CCDC148: variants seen among roughly 807,000 people sequenced by gnomAD.
CCDC148 encodes the protein coiled-coil domain containing 148.
A neutral mutation model predicts 85.7 loss-of-function variants in CCDC148; 89 were observed. That is an observed-to-expected ratio of 1.04 (90% confidence interval 0.87 to 1.24). The LOEUF is 1.24. Ranked by LOEUF, CCDC148 falls within the 50% of genes most tolerant of loss-of-function variation. The pLI is 0.00. For missense variants in CCDC148, 692 were observed against 671.7 expected, an observed-to-expected ratio of 1.03 and a Z score of -0.33; for synonymous variants, 230 against 213.9, an observed-to-expected ratio of 1.08 and a Z score of -0.66.
chr2:158,171,955 A>T lies in CCDC148; in HGVS notation c.*158T>A. On this transcript the variant is annotated 3_prime_UTR_variant, in exon 14 of 14. Coordinates refer to ENST00000283233, the MANE Select transcript of CCDC148 (RefSeq NM_138803.4). ...AAGATACAGGAAATATAGTGCATAAAATTCTAAGAATCACAAAAGAAAGGC... is the reference window on the plus strand; with the variant it reads ...AAGATACAGGAAATATAGTGCATAATATTCTAAGAATCACAAAAGAAAGGC... 1 of 558,534 alleles carries T rather than the reference A, an allele frequency of 1.8e-6. No individual in the cohort carries two copies. Among genetic ancestry groups the T allele is most frequent in the Non-Finnish European group, 3.1e-6 (1 of 327,852 alleles). The allele number at this position is 558,534 out of a possible 1,614,324, so 34.6% of individuals were successfully genotyped here.
At chr2:158,309,687 T>C in intron 8 of CCDC148, 48 bp from the exon 9 acceptor site, 1 of 1,272,656 alleles carries the variant, frequency 7.9e-7, no homozygotes, top group East Asian at 2.4e-5. Flanking sequence ...AAAATGAGCT[T>C]ACATTTTGCA....
chr2:158,433,402 T>C (rs1266202012), intron 1 of CCDC148, among the ~76,000 whole-genome samples: 1 of 151,946 alleles, frequency 6.6e-6, no homozygotes, highest in Non-Finnish European at 1.5e-5. Context: ...ATATCTATGA[T>C]ACATATATCT....
At chr2:158,390,772 G>A (rs1052484702) in intron 1 of CCDC148, among the ~76,000 whole-genome samples, 65 of 152,180 alleles carry the variant, frequency 4.3e-4, no homozygotes, top group African/African-American at 1.5e-3. Context: ...TACCTTTTTC[G>A]GCATTTCTAG....
chr2:158,209,838 G>A (rs898273062), intron 11 of CCDC148, among the ~76,000 whole-genome samples: 14 of 151,966 alleles, frequency 9.2e-5, no homozygotes, highest in Admixed American at 4.6e-4. Flanking sequence ...AGAAAAAACC[G>A]GTACCAGCCA....
intron 1 of CCDC148, among the ~76,000 whole-genome samples, chr2:158,393,554 C>A (rs1337731798): frequency 6.6e-6 from 1 of 152,138 alleles, no homozygotes; most frequent in South Asian, 2.1e-4. Context: ...TACAAGCAAG[C>A]AATTCTGTGT....
At chr2:158,270,777 T>C (rs879591800) in intron 9 of CCDC148, among the ~76,000 whole-genome samples, 10 of 152,182 alleles carry the variant, frequency 6.6e-5, no homozygotes, top group Non-Finnish European at 1.3e-4. Flanking sequence ...ATGTTGATTA[T>C]ATCCACAGGC....
intron 1 of CCDC148, among the ~76,000 whole-genome samples, chr2:158,414,460 G>T (rs1396723539): frequency 6.6e-6 from 1 of 152,246 alleles, no homozygotes; most frequent in Non-Finnish European, 1.5e-5. Flanking sequence ...GGGGCAAACT[G>T]CAGTGCCCAG....
At position 158,203,727 on chromosome 2, in the gene CCDC148, C is replaced by T. The variant is rs989020560; in HGVS notation, c.1370+16868G>A. 5.9e-5 allele frequency among the ~76,000 whole-genome samples: 9 copies of T among 152,224 alleles called. No homozygotes were observed. The South Asian group carries it at 1.9e-3, about 32-fold the overall frequency. On this transcript the variant is annotated intron_variant, in intron 11 of 13. Coordinates refer to ENST00000283233, the MANE Select transcript of CCDC148 (RefSeq NM_138803.4). ...AAAGGAAAAGAAAAAAATTCTATAGCTATCAAAAGATGAAATATACTGCCC... is the reference window on the plus strand; with the variant it reads ...AAAGGAAAAGAAAAAAATTCTATAGTTATCAAAAGATGAAATATACTGCCC...
intron 1 of CCDC148, among the ~76,000 whole-genome samples, chr2:158,430,232 G>A (rs866221550): frequency 9.2e-5 from 14 of 152,148 alleles, no homozygotes; most frequent in South Asian, 2.1e-4. Flanking sequence ...GACCTCAGGA[G>A]CCTTAGGAGG....
chr2:158,401,008 C>T (rs547940999), intron 1 of CCDC148, among the ~76,000 whole-genome samples: 2 of 152,188 alleles, frequency 1.3e-5, no homozygotes, highest in Admixed American at 1.3e-4. Flanking sequence ...GAGATATCAT[C>T]TCACGCCAGT....
At chr2:158,301,057 C>T (rs957005108) in intron 9 of CCDC148, among the ~76,000 whole-genome samples, 18 of 152,174 alleles carry the variant, frequency 1.2e-4, no homozygotes, top group African/African-American at 4.3e-4. Context: ...CAGGGTCTTG[C>T]TATGTTGCCC....
chr2:158,328,955 T>G (rs913119258), intron 7 of CCDC148, among the ~76,000 whole-genome samples: 9 of 152,048 alleles, frequency 5.9e-5, no homozygotes, highest in South Asian at 2.1e-4. Context: ...TTTCTCCCAT[T>G]CTGTAGGTTG....
chr2:158,342,013 A>G (rs1682726951), intron 3 of CCDC148, among the ~76,000 whole-genome samples: 1 of 104,168 alleles, frequency 9.6e-6, no homozygotes, highest in African/African-American at 3.9e-5. Flanking sequence ...TGTACGTGTC[A>G]TTATTTTCTT....
intron 9 of CCDC148, among the ~76,000 whole-genome samples, chr2:158,284,828 G>A (rs945070159): frequency 5.3e-5 from 8 of 152,194 alleles, no homozygotes; most frequent in Admixed American, 4.6e-4. Flanking sequence ...GGCATCTGTA[G>A]AAATTATCAC....
chr2:158,442,196 C>T (rs1468842485), intron 1 of CCDC148, among the ~76,000 whole-genome samples: 1 of 152,100 alleles, frequency 6.6e-6, no homozygotes, highest in African/African-American at 2.4e-5. Flanking sequence ...GGCTTTTGTT[C>T]ATCAGAGGCT....
intron 7 of CCDC148, among the ~76,000 whole-genome samples, chr2:158,336,912 T>C (rs979611141): frequency 6.6e-6 from 1 of 152,134 alleles, no homozygotes; most frequent in African/African-American, 2.4e-5. Flanking sequence ...TCAAACTCCA[T>C]AGTGAATTTT....
At chr2:158,300,797 T>C (rs1385581726) in intron 9 of CCDC148, among the ~76,000 whole-genome samples, 2 of 152,118 alleles carry the variant, frequency 1.3e-5, no homozygotes, top group Admixed American at 6.5e-5. Flanking sequence ...TGCCAGAAAG[T>C]TGGGCCATTA....
At chr2:158,179,117 TACTGA>T in intron 11 of CCDC148, 121 bp from the exon 12 acceptor site, 3 of 582,484 alleles carry the variant, frequency 5.2e-6, no homozygotes, top group Non-Finnish European at 8.9e-6. Context: ...TTTTTTTTTT[TACTGA>T]TTTCTCAAGT....
At chr2:158,269,603 C>T (rs1326446419) in intron 9 of CCDC148, among the ~76,000 whole-genome samples, 1 of 152,188 alleles carries the variant, frequency 6.6e-6, no homozygotes, top group Non-Finnish European at 1.5e-5. Context: ...ACATGTTTCT[C>T]TCTTCCACCC....
Sources: gnomAD v4.1 joint callset for allele counts (sites outside exome capture counted in the v4.1 genomes callset) on GRCh38, gnomAD v4.1.1 for gene constraint, MANE v1.5 for transcripts, NCBI Gene and HGNC (gene_info 2026-07-23, HGNC 2026-07-21) for gene names.